The following MTHFD1L variants were observed in gnomAD, a reference collection of about 807,000 sequenced individuals.
MTHFD1L encodes methylenetetrahydrofolate dehydrogenase (NADP+ dependent) 1 like.
MTHFD1L carries 81 observed loss-of-function variants against 119.5 expected under a neutral mutation model. The observed-to-expected ratio is 0.68, with a 90% CI of 0.57 to 0.82. MTHFD1L has a LOEUF of 0.82. MTHFD1L is among the 40% of genes least tolerant of loss of function. The pLI is 0.00. For missense variants in MTHFD1L, 1,125 were observed against 1,253.4 expected (o/e 0.90, Z 1.55); for synonymous variants, 430 against 475.2 (o/e 0.90, Z 1.24).
At chr6:151,072,860 T>C (rs986115399) in intron 26 of MTHFD1L, among the ~76,000 whole-genome samples, 1 of 152,126 alleles carries the variant, frequency 6.6e-6, no homozygotes, top group Non-Finnish European at 1.5e-5. Context: ...CATAATGTTA[T>C]GTTAAAAGCA....
intron 20 of MTHFD1L, among the ~76,000 whole-genome samples, chr6:150,980,785 G>C (rs1777371109): frequency 6.6e-6 from 1 of 151,696 alleles, no homozygotes; most frequent in African/African-American, 2.4e-5. Context: ...CACAGTTGAA[G>C]TTCCCGTGGA....
chr6:150,872,317 A>G (rs887856536), intron 1 of MTHFD1L, among the ~76,000 whole-genome samples: 3 of 152,202 alleles, frequency 2.0e-5, no homozygotes, highest in South Asian at 2.1e-4. Context: ...GGCTTTCAAT[A>G]CACCCTCCTC....
In MTHFD1L at chr6:150,947,729, C is replaced by G. The variant is rs116274811; in HGVS notation, c.1624-1302C>G. Among the ~76,000 whole-genome samples the G allele has an allele frequency of 4.1e-3, 630 of 152,058 alleles. 3 individuals are homozygous for G. Among genetic ancestry groups the G allele is most frequent in the African/African-American group, 0.014 (601 of 41,510 alleles). On this transcript the variant is annotated intron_variant, in intron 15 of 27. Transcript: ENST00000367321. Reference sequence around the variant, plus strand: ...AGAACTGCGGCATCAATTATATGGACAGACAGCAGTTTATGTCTCTTCTGA... The same window carrying G: ...AGAACTGCGGCATCAATTATATGGAGAGACAGCAGTTTATGTCTCTTCTGA...
chr6:150,922,341 C>T (rs1789101388), intron 10 of MTHFD1L, 39 bp downstream of exon 10: 1 of 1,540,456 alleles, frequency 6.5e-7, no homozygotes, highest in East Asian at 2.3e-5. Context: ...GTCAGCTCAG[C>T]ACAGTGCCTT....
intron 18 of MTHFD1L, 32 bp from the exon 19 acceptor site, chr6:150,964,937 T>C (rs1218080424): frequency 1.9e-6 from 3 of 1,604,462 alleles, no homozygotes; most frequent in Non-Finnish European, 2.6e-6. Flanking sequence ...TGATATTTTG[T>C]CAGGAATCTA....
chr6:150,980,341 C>T (rs1777267437), intron 20 of MTHFD1L, among the ~76,000 whole-genome samples: 2 of 152,182 alleles, frequency 1.3e-5, no homozygotes, highest in African/African-American at 4.8e-5. Context: ...TCATTCGTCC[C>T]CTCGCTGTCT....
intron 24 of MTHFD1L, among the ~76,000 whole-genome samples, chr6:151,026,000 G>A (rs1198016286): frequency 6.6e-6 from 1 of 151,998 alleles, no homozygotes; most frequent in Non-Finnish European, 1.5e-5. Context: ...TTAAACTTTT[G>A]TTCCATTTCA....
At chr6:150,949,262 C>A in intron 16 of MTHFD1L, 129 bp downstream of exon 16, 1 of 689,026 alleles carries the variant, frequency 1.5e-6, no homozygotes, top group Non-Finnish European at 2.5e-6. Flanking sequence ...CTTCATATTC[C>A]CACCATTTAT....
intron 23 of MTHFD1L, 86 bp downstream of exon 23, chr6:151,015,066 T>C: frequency 9.2e-7 from 1 of 1,087,322 alleles, no homozygotes; most frequent in Non-Finnish European, 1.4e-6. Context: ...ATTTGGTCTT[T>C]CTGTGCTTCA....
At chr6:150,894,834 G>A (rs1017472642) in intron 7 of MTHFD1L, among the ~76,000 whole-genome samples, 2 of 152,224 alleles carry the variant, frequency 1.3e-5, no homozygotes, top group Non-Finnish European at 2.9e-5. Context: ...GGGTTCCACA[G>A]AAACCAGAAT....
At chr6:150,921,557 A>T (rs528867539) in intron 9 of MTHFD1L, among the ~76,000 whole-genome samples, 19 of 152,104 alleles carry the variant, frequency 1.2e-4, no homozygotes, top group African/African-American at 4.6e-4. Context: ...TGGCCTATTT[A>T]TTCATTTATT....
chr6:150,895,717 G>T (rs1226736445), intron 7 of MTHFD1L, among the ~76,000 whole-genome samples: 1 of 150,666 alleles, frequency 6.6e-6, no homozygotes, highest in Non-Finnish European at 1.5e-5. Flanking sequence ...AAGTGAATTG[G>T]AAAATTCTAA....
At chr6:151,086,434 G>A (rs1793814123) in intron 26 of MTHFD1L, among the ~76,000 whole-genome samples, 1 of 152,114 alleles carries the variant, frequency 6.6e-6, no homozygotes, top group South Asian at 2.1e-4. Context: ...AAAGAAAAGG[G>A]AAGAGACAGA....
Position 150,916,292 on chromosome 6 carries a change from C to CTTTTTTTTTTTTTTT in MTHFD1L, c.893-2272_893-2258dup, listed in dbSNP as rs71554488. Among the ~76,000 whole-genome samples the CTTTTTTTTTTTTTTT allele has an allele frequency of 5.0e-5, 2 of 39,986 alleles. 1 individual carries two copies. Among genetic ancestry groups the CTTTTTTTTTTTTTTT allele is most frequent in the African/African-American group, 2.0e-4 (2 of 10,204 alleles). The allele number at this position is 39,986 out of a possible 152,430, so 26.2% of individuals were successfully genotyped here. A position where few individuals can be genotyped will look rare whatever the true frequency, so the allele number is the denominator to read the frequency against. On this transcript the variant is annotated intron_variant, in intron 8 of 27. Transcript: ENST00000367321. ...AGTGATGAAGGAAGGAAGGTAGAAT[C>CTTTTTTTTTTTTTTT]TTTTTTTTTTTTTTTTTTTTTTTTT...
chr6:150,969,232 T>G (rs1247998370), intron 19 of MTHFD1L, among the ~76,000 whole-genome samples: 1 of 152,192 alleles, frequency 6.6e-6, no homozygotes, highest in African/African-American at 2.4e-5. Context: ...TCCGTCTGCC[T>G]CTGCCTCTCA....
At chr6:150,892,518 G>T (rs1265433659) in intron 7 of MTHFD1L, among the ~76,000 whole-genome samples, 7 of 152,078 alleles carry the variant, frequency 4.6e-5, no homozygotes, top group Non-Finnish European at 7.3e-5. Context: ...GGTATTTATA[G>T]TGGCACCATT....
intron 20 of MTHFD1L, among the ~76,000 whole-genome samples, chr6:150,984,008 G>A (rs1468289375): frequency 1.3e-5 from 2 of 152,132 alleles, no homozygotes; most frequent in African/African-American, 4.8e-5. Context: ...CTGAGCTCAA[G>A]TGATCGCCTG....
At chr6:150,969,423 G>A (rs371876154) in intron 19 of MTHFD1L, among the ~76,000 whole-genome samples, 38 of 151,972 alleles carry the variant, frequency 2.5e-4, no homozygotes, top group African/African-American at 8.4e-4. Context: ...TTGAACCGGG[G>A]AGGTGGAGGT....
At chr6:150,949,194 A>G (rs1794503398) in intron 16 of MTHFD1L, 61 bp downstream of exon 16, 2 of 1,380,592 alleles carry the variant, frequency 1.4e-6, no homozygotes, top group Admixed American at 3.5e-5. Flanking sequence ...TTCGAGCCGA[A>G]GCGCTTAAAT....
Sources: gnomAD v4.1 joint callset for allele counts (sites outside exome capture counted in the v4.1 genomes callset) on GRCh38, gnomAD v4.1.1 for gene constraint, MANE v1.5 for transcripts, NCBI Gene and HGNC (gene_info 2026-07-23, HGNC 2026-07-21) for gene names.